ZNF684: variants seen among roughly 807,000 people sequenced by gnomAD.
ZNF684 encodes hypothetical protein MGC27466.
Under a neutral mutation model 12.8 loss-of-function variants are expected in ZNF684, and 13 were observed. The ratio of observed to expected loss-of-function variants is 1.02; its 90% CI spans 0.66 to 1.62. The LOEUF (loss-of-function observed/expected upper bound fraction) is 1.62, where lower values mean the gene tolerates loss of function less well. Ranked by LOEUF, ZNF684 falls within the 40% of genes most tolerant of loss-of-function variation. The probability of loss-of-function intolerance (pLI) is 0.00; values close to 1 mark genes in which losing one functional copy is unlikely to be tolerated. For synonymous variants in ZNF684, 118 were observed against 151.8 expected (o/e 0.78, Z 1.64); for missense variants, 384 against 446.9 (o/e 0.86, Z 1.27).
intron 2 of ZNF684, among the ~76,000 whole-genome samples, chr1:40,538,136 TC>T (rs1645995132): frequency 6.6e-6 from 1 of 152,050 alleles, no homozygotes; most frequent in African/African-American, 2.4e-5. Flanking sequence ...GGACTACAGG[TC>T]CATGCCACCA....
At position 40,547,618 on chromosome 1, in the gene ZNF684, T is replaced by A; in HGVS notation, c.*158T>A. 1 of 599,262 alleles carries A rather than the reference T, an allele frequency of 1.7e-6. No individual in the cohort carries two copies. The highest frequency in any genetic ancestry group is 2.6e-6 in the Non-Finnish European group (1 of 379,920). 37.1% of individuals were successfully genotyped at this position (599,262 alleles called of 1,614,324 possible). A position where few individuals can be genotyped will look rare whatever the true frequency, so the allele number is the denominator to read the frequency against. ...GCCAATCATGTTCTGGAAGTGATAA[T>A]AAACTTTTTACAGAAAATATGACAG... On this transcript the variant is annotated 3_prime_UTR_variant, in exon 5 of 5. Coordinates refer to ENST00000372699, the MANE Select transcript of ZNF684 (RefSeq NM_152373.4).
At chr1:40,539,447 CT>C (rs1646002693) in intron 2 of ZNF684, among the ~76,000 whole-genome samples, 1 of 152,072 alleles carries the variant, frequency 6.6e-6, no homozygotes, top group South Asian at 2.1e-4. Context: ...ACAATGACCC[CT>C]GATTGCACCA....
Position 40,541,720 on chromosome 1 carries a change from A to G in ZNF684, c.238+10A>G. The stretch of plus-strand genomic sequence containing the variant: ...CACGAGAGCTCTCCAGGTGAGTGAG[A>G]GAAATTCAGATGGGGCTGTGTGGAG... On this transcript the variant is annotated intron_variant, in intron 4 of 4. Coordinates refer to ENST00000372699, the MANE Select transcript of ZNF684 (RefSeq NM_152373.4). 6.2e-7 allele frequency: 1 copy of G among 1,608,380 alleles called. No individual in the cohort carries two copies. The highest frequency in any genetic ancestry group is 8.5e-7 in the Non-Finnish European group (1 of 1,175,826).
chr1:40,541,256 G>C, intron 3 of ZNF684: 1 of 169,894 alleles, frequency 5.9e-6, no homozygotes, highest in Non-Finnish European at 1.3e-5. Flanking sequence ...GTGCAGTGGT[G>C]CAATCTCGGC....
intron 2 of ZNF684, 52 bp downstream of exon 2, chr1:40,533,233 T>C (rs775071288): frequency 4.5e-6 from 7 of 1,572,016 alleles, no homozygotes; most frequent in Non-Finnish European, 6.1e-6. Flanking sequence ...AAAATCCATA[T>C]GATAAAAAGG....
chr1:40,534,123 G>A (rs1216991591), intron 2 of ZNF684, among the ~76,000 whole-genome samples: 1 of 151,648 alleles, frequency 6.6e-6, no homozygotes, highest in African/African-American at 2.4e-5. Flanking sequence ...CACTGCGCCC[G>A]GCCAGATATT....
At chr1:40,540,303 T>A (rs1646007325) in intron 2 of ZNF684, among the ~76,000 whole-genome samples, 1 of 152,142 alleles carries the variant, frequency 6.6e-6, no homozygotes, top group Non-Finnish European at 1.5e-5. Context: ...GGATGGGGAG[T>A]TCAGTGTCAT....
rs535866461 is a variant in ZNF684, at chr1:40,546,892, A to G, written c.569A>G (p.Asn190Ser). The change falls in exon 5 of 5, where the codon AAT becomes AGT. Residue 190 changes from asparagine to serine, a missense_variant. Physicochemically the swap from Asn to Ser is conservative, Grantham distance 46 (BLOSUM62 1). Transcript: ENST00000372699. ...ACAAGGAAAAAACCTTTTGAATGCA[A>G]TGACTGTGGAAAAGCCTATAGCAGG... is the stretch of plus-strand genomic sequence containing the variant. ...NHTRKKPFECNDCGKAYSRKA... is the reference protein window; with the variant it reads ...NHTRKKPFECSDCGKAYSRKA... 6.8e-6 allele frequency: 11 copies of G among 1,614,112 alleles called. No homozygotes were observed. Among genetic ancestry groups the G allele is most frequent in the South Asian group, 1.1e-5 (1 of 90,994 alleles).
intron 4 of ZNF684, among the ~76,000 whole-genome samples, chr1:40,542,044 A>G (rs1296553440): frequency 6.6e-6 from 1 of 152,122 alleles, no homozygotes; most frequent in African/African-American, 2.4e-5. Flanking sequence ...ATCTTTTTCT[A>G]TATACGTAGT....
Position 40,547,413 on chromosome 1 carries a change from T to G in ZNF684, c.1090T>G (p.Phe364Val), listed in dbSNP as rs1646055456. Residue 364 changes from phenylalanine to valine, a missense_variant, in exon 5 of 5, where the codon TTT becomes GTT. Coordinates refer to ENST00000372699, the MANE Select transcript of ZNF684 (RefSeq NM_152373.4). Reference protein sequence around the residue: ...PYECNRCGKAFSQKSNLIVHQ... With the variant: ...PYECNRCGKAVSQKSNLIVHQ... Reference sequence around the variant, plus strand: ...TGAATGTAACAGATGTGGGAAAGCATTTTCCCAGAAGTCAAATCTTATTGT... The same window carrying G: ...TGAATGTAACAGATGTGGGAAAGCAGTTTCCCAGAAGTCAAATCTTATTGT... The G allele has an allele frequency of 1.9e-6, 3 of 1,611,368 alleles. No individual in the cohort carries two copies. The African/African-American group carries it at 4.0e-5, about 21-fold the overall frequency.
At position 40,547,465 on chromosome 1, in the gene ZNF684, C is replaced by G; in HGVS notation, c.*5C>G. 5 of 1,589,022 alleles carry G rather than the reference C, an allele frequency of 3.1e-6. No homozygotes were observed. Among genetic ancestry groups the G allele is most frequent in the Non-Finnish European group, 3.4e-6 (4 of 1,167,170 alleles). On this transcript the variant is annotated 3_prime_UTR_variant, in exon 5 of 5. Transcript: ENST00000372699. ...CATCAGAAAATTCATACATAATATTCACTTTATGAATATGAGAAGGCCTTA... is the reference window on the plus strand; with the variant it reads ...CATCAGAAAATTCATACATAATATTGACTTTATGAATATGAGAAGGCCTTA...
At chr1:40,543,490 T>C (rs1023586045) in intron 4 of ZNF684, among the ~76,000 whole-genome samples, 4 of 150,256 alleles carry the variant, frequency 2.7e-5, no homozygotes, top group Non-Finnish European at 5.9e-5. Flanking sequence ...AGAGTCTTGC[T>C]CTGTTGCCCA....
chr1:40,532,109 G>A (rs372657993), intron 1 of ZNF684, among the ~76,000 whole-genome samples: 4 of 152,220 alleles, frequency 2.6e-5, no homozygotes, highest in Middle Eastern at 3.4e-3. Flanking sequence ...TGGAGCCTGC[G>A]ACAATTTTAA....
At chr1:40,544,382 C>T (rs1180647284) in intron 4 of ZNF684, 1 of 424,356 alleles carries the variant, frequency 2.4e-6, no homozygotes, top group East Asian at 9.1e-5. Flanking sequence ...GTTTGTTTGT[C>T]TTTTTTTGAG....
rs1445055063 is a variant in ZNF684 at position 40,533,137 on chromosome 1, T to C, written c.-24-6T>C. The C allele has an allele frequency of 6.2e-7, 1 of 1,611,484 alleles. No homozygotes were observed. The highest frequency in any genetic ancestry group is 2.2e-5 in the East Asian group (1 of 44,852). On this transcript the variant is annotated splice_polypyrimidine_tract_variant and splice_region_variant and intron_variant, in intron 1 of 4. Coordinates refer to ENST00000372699, the MANE Select transcript of ZNF684 (RefSeq NM_152373.4). ...TCTATTCTCTTCCCCATTTCTACTT[T>C]CATAGATTTCTGTGTAAGAGCTGCA...
In ZNF684 at chr1:40,547,663, G is replaced by C; in HGVS notation, c.*203G>C. 3 of 429,370 alleles carry C rather than the reference G, an allele frequency of 7.0e-6. No individual in the cohort carries two copies. The highest frequency in any genetic ancestry group is 1.2e-5 in the Non-Finnish European group (3 of 251,142). 26.6% of individuals were successfully genotyped at this position (429,370 alleles called of 1,614,324 possible). A position where few individuals can be genotyped will look rare whatever the true frequency, so the allele number is the denominator to read the frequency against. ...TGACAGAAAACAACTATAAATAATA[G>C]AGCATAAAGCTTGGAAAGTAAGCAT... is the stretch of plus-strand genomic sequence containing the variant. On this transcript the variant is annotated 3_prime_UTR_variant, in exon 5 of 5. Transcript: ENST00000372699.
At chr1:40,546,463 T>A in intron 4 of ZNF684, 99 bp from the exon 5 acceptor site, 1 of 1,212,990 alleles carries the variant, frequency 8.2e-7, no homozygotes, top group Non-Finnish European at 1.1e-6. Flanking sequence ...TAAGATTTCT[T>A]TCAGAATGAG....
chr1:40,532,656 T>A (rs779243477), intron 1 of ZNF684, among the ~76,000 whole-genome samples: 5 of 151,002 alleles, frequency 3.3e-5, no homozygotes, highest in Middle Eastern at 6.8e-3. Context: ...AAAAAAAAAA[T>A]AAAAAAAAGT....
At chr1:40,534,648 C>T (rs1645974936) in intron 2 of ZNF684, among the ~76,000 whole-genome samples, 1 of 151,896 alleles carries the variant, frequency 6.6e-6, no homozygotes, top group Non-Finnish European at 1.5e-5. Flanking sequence ...ATGAGGTAGG[C>T]CTTTTTTTCA....
Sources: gnomAD v4.1 joint callset for allele counts (sites outside exome capture counted in the v4.1 genomes callset) on GRCh38, gnomAD v4.1.1 for gene constraint, MANE v1.5 for transcripts, NCBI Gene and HGNC (gene_info 2026-07-23, HGNC 2026-07-21) for gene names.